The following PDSS2 variants were observed in gnomAD, a reference collection of about 807,000 sequenced individuals.
PDSS2 encodes all trans-polyprenyl-diphosphate synthase PDSS2.
In PDSS2, 31 loss-of-function variants were observed where a neutral mutation model predicts 44.5. The ratio of observed to expected loss-of-function variants is 0.70; its 90% CI spans 0.52 to 0.94. The LOEUF is 0.94. Among genes scored for constraint, PDSS2 ranks in the 40% least tolerant of loss-of-function variants. The probability of loss-of-function intolerance (pLI) is 0.00; values close to 1 mark genes in which losing one functional copy is unlikely to be tolerated. For missense variants in PDSS2, 452 were observed against 482.2 expected, an observed-to-expected ratio of 0.94 and a Z score of 0.59; for synonymous variants, 157 against 180.3, an observed-to-expected ratio of 0.87 and a Z score of 1.03.
intron 1 of PDSS2, among the ~76,000 whole-genome samples, chr6:107,388,173 T>G (rs1048261157): frequency 6.6e-6 from 1 of 152,160 alleles, no homozygotes; most frequent in Non-Finnish European, 1.5e-5. Flanking sequence ...GTCAACAATA[T>G]GTATACTTAG....
chr6:107,211,607 G>A (rs887885344), intron 5 of PDSS2, among the ~76,000 whole-genome samples: 2 of 151,874 alleles, frequency 1.3e-5, no homozygotes, highest in South Asian at 4.2e-4. Flanking sequence ...GCATGTGCCT[G>A]TAATCCCAGC....
intron 6 of PDSS2, among the ~76,000 whole-genome samples, chr6:107,207,656 G>C (rs1219437787): frequency 7.2e-6 from 1 of 139,668 alleles, no homozygotes; most frequent in African/African-American, 2.6e-5. Context: ...CTGCTGGCCA[G>C]GATGGAGTGC....
At chr6:107,252,789 T>G (rs1471205332) in intron 3 of PDSS2, among the ~76,000 whole-genome samples, 1 of 152,186 alleles carries the variant, frequency 6.6e-6, no homozygotes, top group South Asian at 2.1e-4. Flanking sequence ...AAAGTTCTAT[T>G]TTTAAAATCG....
intron 7 of PDSS2, among the ~76,000 whole-genome samples, chr6:107,185,793 C>G (rs530803821): frequency 1.2e-4 from 18 of 152,338 alleles, no homozygotes; most frequent in African/African-American, 4.3e-4. Flanking sequence ...ACTCTTCCCT[C>G]TAGCACTGAG....
chr6:107,295,463 T>C (rs923710797), intron 2 of PDSS2, among the ~76,000 whole-genome samples: 3 of 152,156 alleles, frequency 2.0e-5, no homozygotes, highest in African/African-American at 7.2e-5. Context: ...TAAGTACTCT[T>C]GTGAGGAAAT....
Position 107,153,900 on chromosome 6 carries a change from AC to A in PDSS2, c.*718del, listed in dbSNP as rs1264303356. On this transcript the variant is annotated 3_prime_UTR_variant, in exon 8 of 8. Coordinates refer to ENST00000369037, the MANE Select transcript of PDSS2 (RefSeq NM_020381.4). ...AGACTAGCCTGACCAACATAGTGAA[AC>A]CCCATCTCTACTAAAAATACAAAAT... is the stretch of plus-strand genomic sequence containing the variant. 1.3e-5 allele frequency: 2 copies of A among 152,462 alleles called. No homozygotes were observed. 9.4% of individuals were successfully genotyped at this position (152,462 alleles called of 1,614,324 possible). A position where few individuals can be genotyped will look rare whatever the true frequency, so the allele number is the denominator to read the frequency against.
At chr6:107,450,199 G>A (rs968290148) in intron 1 of PDSS2, among the ~76,000 whole-genome samples, 24 of 152,166 alleles carry the variant, frequency 1.6e-4, no homozygotes, top group African/African-American at 5.3e-4. Context: ...TTGTTGGGTA[G>A]CATTTCGTTG....
At chr6:107,411,586 G>GA (rs550378441) in intron 1 of PDSS2, among the ~76,000 whole-genome samples, 2 of 151,848 alleles carry the variant, frequency 1.3e-5, no homozygotes, top group Admixed American at 6.6e-5. Context: ...AAAATATTCA[G>GA]AAAAAAAATA....
chr6:107,413,690 C>T (rs546530801), intron 1 of PDSS2, among the ~76,000 whole-genome samples: 11 of 152,308 alleles, frequency 7.2e-5, no homozygotes, highest in African/African-American at 2.4e-4. Flanking sequence ...ATCTTGAACG[C>T]CTGACCCCAA....
intron 1 of PDSS2, among the ~76,000 whole-genome samples, chr6:107,343,433 G>GT (rs937855221): frequency 3.3e-5 from 5 of 152,194 alleles, no homozygotes; most frequent in South Asian, 4.1e-4. Context: ...TGCAACTGTA[G>GT]TTTTTTTGAA....
intron 1 of PDSS2, among the ~76,000 whole-genome samples, chr6:107,413,480 G>T (rs1274008411): frequency 6.6e-6 from 1 of 152,194 alleles, no homozygotes; most frequent in Non-Finnish European, 1.5e-5. Context: ...GGGCTGCAGT[G>T]AGCCATGATT....
At chr6:107,264,577 T>C in intron 3 of PDSS2, 3 of 1,020,316 alleles carry the variant, frequency 2.9e-6, no homozygotes, top group Non-Finnish European at 4.4e-6. Context: ...TCATTATATA[T>C]GTAAAGTAAA....
intron 1 of PDSS2, among the ~76,000 whole-genome samples, chr6:107,405,478 AATCAAT>A: frequency 6.6e-6 from 1 of 152,222 alleles, no homozygotes; most frequent in East Asian, 1.9e-4. Context: ...ACTAGATAAC[AATCAAT>A]ATCATGACAG....
intron 1 of PDSS2, among the ~76,000 whole-genome samples, chr6:107,433,539 G>A (rs1781258149): frequency 6.6e-6 from 1 of 152,174 alleles, no homozygotes; most frequent in Non-Finnish European, 1.5e-5. Flanking sequence ...TCTTCAATAA[G>A]TAGTGCTGGG....
intron 1 of PDSS2, among the ~76,000 whole-genome samples, chr6:107,338,378 T>A (rs919492521): frequency 6.6e-6 from 1 of 152,060 alleles, no homozygotes; most frequent in Non-Finnish European, 1.5e-5. Flanking sequence ...TAGAAAATGG[T>A]AAGGTTGGTG....
intron 1 of PDSS2, among the ~76,000 whole-genome samples, chr6:107,456,687 G>A (rs1782053895): frequency 6.6e-6 from 1 of 152,130 alleles, no homozygotes; most frequent in Admixed American, 6.6e-5. Flanking sequence ...GACTACAGAT[G>A]TGCATCCCCA....
At chr6:107,228,775 A>AAC (rs368449136) in intron 4 of PDSS2, among the ~76,000 whole-genome samples, 1 of 151,976 alleles carries the variant, frequency 6.6e-6, no homozygotes, top group Non-Finnish European at 1.5e-5. Context: ...ATAGTCTTTA[A>AAC]ATCTGAATAA....
intron 2 of PDSS2, among the ~76,000 whole-genome samples, chr6:107,326,090 GT>G (rs916283445): frequency 6.7e-6 from 1 of 148,570 alleles, no homozygotes; most frequent in Non-Finnish European, 1.5e-5. Context: ...TCTGAACTAT[GT>G]TTTTTCTTTT....
At chr6:107,396,043 CTG>C (rs775962379) in intron 1 of PDSS2, among the ~76,000 whole-genome samples, 61 of 152,164 alleles carry the variant, frequency 4.0e-4, no homozygotes, top group Non-Finnish European at 7.6e-4. Flanking sequence ...CCCACGTATT[CTG>C]TGAGTGTTTT....
Sources: gnomAD v4.1 joint callset for allele counts (sites outside exome capture counted in the v4.1 genomes callset) on GRCh38, gnomAD v4.1.1 for gene constraint, MANE v1.5 for transcripts, NCBI Gene and HGNC (gene_info 2026-07-23, HGNC 2026-07-21) for gene names.